The following UBQLN1 variants were observed in gnomAD, a reference collection of about 807,000 sequenced individuals.
UBQLN1 encodes ubiquilin 1.
Under a neutral mutation model 65.4 loss-of-function variants are expected in UBQLN1, and 13 were observed. That is an observed-to-expected ratio of 0.20 (90% confidence interval 0.13 to 0.32). UBQLN1 has a LOEUF of 0.32. Ranked by LOEUF, UBQLN1 falls within the 10% of genes least tolerant of loss-of-function variation. The pLI is 1.00. For synonymous variants in UBQLN1, 267 were observed against 247.8 expected (o/e 1.08, Z -0.73); for missense variants, 561 against 724.0 (o/e 0.77, Z 2.58).
chr9:83,673,207 G>A (rs1831763350), intron 6 of UBQLN1, among the ~76,000 whole-genome samples: 1 of 152,110 alleles, frequency 6.6e-6, no homozygotes, highest in Non-Finnish European at 1.5e-5. Context: ...TCCAGCCTGG[G>A]CGACGACTCT....
intron 2 of UBQLN1, among the ~76,000 whole-genome samples, chr9:83,684,720 A>G (rs1587652222): frequency 6.6e-6 from 1 of 151,322 alleles, no homozygotes; most frequent in African/African-American, 2.4e-5. Context: ...CTGAGGCGGG[A>G]GAATCGCTTG....
intron 1 of UBQLN1, among the ~76,000 whole-genome samples, chr9:83,705,974 T>C (rs1202411400): frequency 6.6e-6 from 1 of 150,764 alleles, no homozygotes; most frequent in Non-Finnish European, 1.5e-5. Context: ...AAAGGCCAAG[T>C]GACTGAAATG....
Position 83,669,254 on chromosome 9 carries a change from G to A in UBQLN1, c.1179C>T (p.Asn393=), listed in dbSNP as rs528925756. 6 of 1,612,706 alleles carry A rather than the reference G, an allele frequency of 3.7e-6. No individual in the cohort carries two copies. In the South Asian group the frequency reaches 5.5e-5, roughly 15 times the overall value. The change falls in exon 7 of 11, where the codon AAC becomes AAT. Residue 393 remains asparagine, a synonymous_variant. Transcript: ENST00000376395. The part of the protein sequence containing the change: ...QITENPQLMQ[N]MLSAPYMRSM... The stretch of plus-strand genomic sequence containing the variant: ...TTCTCATGTAGGGGGCAGACAACAT[G>A]TTTTGCATCAGTTGTGGGTTTTCAG...
chr9:83,707,912 C>G lies in UBQLN1; in HGVS notation c.-233G>C, dbSNP rs1050560877. The G allele has an allele frequency of 3.7e-6, 2 of 539,204 alleles. No homozygotes were observed. Among genetic ancestry groups the G allele is most frequent in the Non-Finnish European group, 6.2e-6 (2 of 320,640 alleles). 33.4% of individuals were successfully genotyped at this position (539,204 alleles called of 1,614,324 possible). A position where few individuals can be genotyped will look rare whatever the true frequency, so the allele number is the denominator to read the frequency against. ...CGGCAGCCGCCGTGTGTTCAGGCGCCGCTCGCTCACACCGACATCCGCAGC... is the reference window on the plus strand; with the variant it reads ...CGGCAGCCGCCGTGTGTTCAGGCGCGGCTCGCTCACACCGACATCCGCAGC... On this transcript the variant is annotated 5_prime_UTR_variant, in exon 1 of 11. Transcript: ENST00000376395.
intron 1 of UBQLN1, among the ~76,000 whole-genome samples, chr9:83,699,807 T>C (rs1295935506): frequency 6.6e-6 from 1 of 152,246 alleles, no homozygotes; most frequent in Non-Finnish European, 1.5e-5. Flanking sequence ...ACATGGTCTA[T>C]TCTGAAAGGA....
intron 1 of UBQLN1, among the ~76,000 whole-genome samples, chr9:83,707,217 G>A (rs573560789): frequency 6.6e-6 from 1 of 152,274 alleles, no homozygotes; most frequent in African/African-American, 2.4e-5. Flanking sequence ...GGAGGGCGGG[G>A]AACTGGGGGA....
chr9:83,672,320 T>G (rs1831747207), intron 6 of UBQLN1, among the ~76,000 whole-genome samples: 1 of 152,210 alleles, frequency 6.6e-6, no homozygotes. Context: ...ACTTGGCTGT[T>G]TGGTGCAAGA....
chr9:83,687,914 TCTTTC>T (rs1832065988), intron 1 of UBQLN1, among the ~76,000 whole-genome samples: 1 of 152,166 alleles, frequency 6.6e-6, no homozygotes, highest in Non-Finnish European at 1.5e-5. Context: ...CCATCTGCAT[TCTTTC>T]CTTTATTTGA....
At chr9:83,705,931 G>C (rs1832396802) in intron 1 of UBQLN1, among the ~76,000 whole-genome samples, 1 of 150,372 alleles carries the variant, frequency 6.7e-6, no homozygotes, top group African/African-American at 2.5e-5. Flanking sequence ...CTGTAACTTA[G>C]GGCATAAAAA....
chr9:83,679,315 C>T (rs1320478652), intron 4 of UBQLN1, among the ~76,000 whole-genome samples: 1 of 152,176 alleles, frequency 6.6e-6, no homozygotes, highest in Non-Finnish European at 1.5e-5. Context: ...CTGCTCAGCT[C>T]ATGAGAACAC....
rs1039225810 is a variant in UBQLN1, at chr9:83,701,271, T to C, written c.180+6229A>G. On this transcript the variant is annotated intron_variant, in intron 1 of 10. Transcript: ENST00000376395. ...TTATGAAAAATAACTATTTTCTCAG[T>C]GATAAGAGTGGCATTATTTTAAATT... Among the ~76,000 whole-genome samples, 15 of 152,220 alleles carry C rather than the reference T, an allele frequency of 9.9e-5. No individual in the cohort carries two copies. In the South Asian group the frequency reaches 2.9e-3, roughly 29 times the overall value.
intron 7 of UBQLN1, chr9:83,668,390 G>C (rs983889183): frequency 1.0e-6 from 1 of 985,180 alleles, no homozygotes. Context: ...CATTTTTAAC[G>C]AACAGCAAAT....
intron 1 of UBQLN1, among the ~76,000 whole-genome samples, chr9:83,692,933 T>C (rs942178348): frequency 6.6e-6 from 1 of 152,212 alleles, no homozygotes; most frequent in East Asian, 1.9e-4. Context: ...ATTTTTGTAA[T>C]TTCCATTAAA....
In UBQLN1 at chr9:83,692,777, G is replaced by A. The variant is rs953402225; in HGVS notation, c.181-6622C>T. 9.2e-5 allele frequency among the ~76,000 whole-genome samples: 14 copies of A among 152,250 alleles called. No individual in the cohort carries two copies. In the South Asian group the frequency reaches 2.3e-3, roughly 25 times the overall value. ...TGGGGCAGGAGAATCGCTTGAACCC[G>A]GGAGGTGGAGGTTGTGGTGAGCTGA... On this transcript the variant is annotated intron_variant, in intron 1 of 10. Coordinates refer to ENST00000376395, the MANE Select transcript of UBQLN1 (RefSeq NM_013438.5).
At chr9:83,669,366 ATACTT>A (rs1831695180) in intron 6 of UBQLN1, 39 bp from the exon 7 acceptor site, 2 of 1,546,068 alleles carry the variant, frequency 1.3e-6, no homozygotes, top group Non-Finnish European at 8.7e-7. Flanking sequence ...TTAAGGAAAA[ATACTT>A]AAACAAAAGT....
At chr9:83,672,552 G>C (rs1188776925) in intron 6 of UBQLN1, among the ~76,000 whole-genome samples, 4 of 152,188 alleles carry the variant, frequency 2.6e-5, no homozygotes, top group Admixed American at 2.6e-4. Flanking sequence ...CCAGTCAGTT[G>C]AACAGTCAGA....
intron 6 of UBQLN1, among the ~76,000 whole-genome samples, chr9:83,677,401 A>T (rs1482271260): frequency 6.6e-6 from 1 of 152,176 alleles, no homozygotes; most frequent in Non-Finnish European, 1.5e-5. Flanking sequence ...TGTCTCTACT[A>T]AAAATACAAA....
At position 83,686,160 on chromosome 9, in the gene UBQLN1, A is replaced by G; in HGVS notation, c.181-5T>C. On this transcript the variant is annotated splice_region_variant and splice_polypyrimidine_tract_variant and intron_variant, in intron 1 of 10. Coordinates refer to ENST00000376395, the MANE Select transcript of UBQLN1 (RefSeq NM_013438.5). ...TTTAGAGATTTCTTCCTTAAACTAA[A>G]TAAAAATAAAATAAGTATGTATTAC... 1 of 1,525,180 alleles carries G rather than the reference A, an allele frequency of 6.6e-7. No individual in the cohort carries two copies. The highest frequency in any genetic ancestry group is 8.9e-7 in the Non-Finnish European group (1 of 1,128,538). 94.5% of individuals were successfully genotyped at this position (1,525,180 alleles called of 1,614,324 possible). A position where few individuals can be genotyped will look rare whatever the true frequency, so the allele number is the denominator to read the frequency against.
At chr9:83,705,975 G>A (rs1832398379) in intron 1 of UBQLN1, among the ~76,000 whole-genome samples, 1 of 151,926 alleles carries the variant, frequency 6.6e-6, no homozygotes, top group Non-Finnish European at 1.5e-5. Flanking sequence ...AAGGCCAAGT[G>A]ACTGAAATGA....
Sources: gnomAD v4.1 joint callset for allele counts (sites outside exome capture counted in the v4.1 genomes callset) on GRCh38, gnomAD v4.1.1 for gene constraint, MANE v1.5 for transcripts, NCBI Gene and HGNC (gene_info 2026-07-23, HGNC 2026-07-21) for gene names.